Variants in CCDC187 observed in about 807,000 individuals in gnomAD.
CCDC187 encodes the protein coiled-coil domain-containing protein 187.
CCDC187 carries 32 observed loss-of-function variants against 38.0 expected under a neutral mutation model. The observed-to-expected ratio is 0.84, with a 90% CI of 0.64 to 1.13. The LOEUF (loss-of-function observed/expected upper bound fraction) is 1.13. Ranked by LOEUF, CCDC187 falls within the 50% of genes most tolerant of loss-of-function variation. The pLI, the probability that CCDC187 is intolerant of heterozygous loss-of-function variation, is 0.00. For missense variants in CCDC187, 707 were observed against 786.8 expected (o/e 0.90, Z 1.21); for synonymous variants, 333 against 347.9 (o/e 0.96, Z 0.48).
intron 14 of CCDC187, among the ~76,000 whole-genome samples, chr9:136,274,331 A>G (rs1830890844): frequency 6.6e-6 from 1 of 152,192 alleles, no homozygotes; most frequent in Non-Finnish European, 1.5e-5. Context: ...CTGGTCCCCC[A>G]GCTCTAGGGA....
rs1273882649 is a variant in CCDC187 at position 136,250,778 on chromosome 9, A to G, written c.*2816T>C. On this transcript the variant is annotated 3_prime_UTR_variant, in exon 26 of 26. Coordinates refer to ENST00000638797, the MANE Select transcript of CCDC187 (RefSeq NM_001378188.1). ...GCACATGGTGAATGGGGACCCTGACACAGGCCGGCCATTGTTAACGGCACC... is the reference window on the plus strand; with the variant it reads ...GCACATGGTGAATGGGGACCCTGACGCAGGCCGGCCATTGTTAACGGCACC... 10 of 456,164 alleles carry G rather than the reference A, an allele frequency of 2.2e-5. No individual in the cohort carries two copies. The highest frequency in any genetic ancestry group is 1.6e-4 in the Admixed American group (7 of 42,562). 28.3% of individuals were successfully genotyped at this position (456,164 alleles called of 1,614,324 possible).
rs1458258475 is a variant in CCDC187, at chr9:136,297,739, C to A, written c.807G>T (p.Ala269=). The change falls in exon 4 of 26, where the codon GCG becomes GCT. Residue 269 remains alanine (A), a synonymous_variant. Transcript: ENST00000638797. ...CTTCGTCTTTGTGTTTGTCTTTGGC[C>A]GCTCTTCTAGGGGAGGGCAACTTGG... ...KTPKLPSPRR[A]AKDKHKDEDS... 1 of 398,578 alleles carries A rather than the reference C, an allele frequency of 2.5e-6. No individual in the cohort carries two copies. Among genetic ancestry groups the A allele is most frequent in the African/African-American group, 2.1e-5 (1 of 48,620 alleles). The allele number at this position is 398,578 out of a possible 1,614,324, so 24.7% of individuals were successfully genotyped here. A position where few individuals can be genotyped will look rare whatever the true frequency, so the allele number is the denominator to read the frequency against.
chr9:136,259,942 G>T (rs1364263534), intron 20 of CCDC187, among the ~76,000 whole-genome samples, 177 bp downstream of exon 20: 1 of 152,190 alleles, frequency 6.6e-6, no homozygotes, highest in Non-Finnish European at 1.5e-5. Context: ...CCCACTGTGT[G>T]CTCTGCTGTG....
In CCDC187 at chr9:136,290,750, C is replaced by T. The variant is rs957495785; in HGVS notation, c.1863G>A (p.Arg621=). The change falls in exon 6 of 26, where the codon CGG becomes CGA. Residue 621 remains arginine, a synonymous_variant. Transcript: ENST00000638797. ...NPLGKEKDTL[R]PCPRSRGLLG... ...GGAGCCCCCGGGACCTGGGGCAGGGCCGCAGCGTGTCCTTCTCCTTCCCAA... is the reference window on the plus strand; with the variant it reads ...GGAGCCCCCGGGACCTGGGGCAGGGTCGCAGCGTGTCCTTCTCCTTCCCAA... The T allele has an allele frequency of 9.1e-3, 3,629 of 398,524 alleles. 32 individuals carry two copies. The highest frequency in any genetic ancestry group is 0.013 in the Middle Eastern group (20 of 1,588). 24.7% of individuals were successfully genotyped at this position (398,524 alleles called of 1,614,324 possible).
Position 136,254,463 on chromosome 9 carries a change from C to T in CCDC187, c.5365G>A (p.Gly1789Ser), listed in dbSNP as rs1170359462. 1 of 985,460 alleles carries T rather than the reference C, an allele frequency of 1.0e-6. No individual in the cohort carries two copies. The highest frequency in any genetic ancestry group is 1.2e-6 in the Non-Finnish European group (1 of 829,964). 61.0% of individuals were successfully genotyped at this position (985,460 alleles called of 1,614,324 possible). The change falls in exon 26 of 26, where the codon GGC (glycine) becomes AGC (serine). Residue 1789 changes from glycine to serine, a missense_variant. Coordinates refer to ENST00000638797, the MANE Select transcript of CCDC187 (RefSeq NM_001378188.1). ...ACGCCGCTTCCAAGGCCCAGTGAGC[C>T]ACCTGCAGGCAGGGAGCTCCCCGAG... ...PASGSSLPAG[G>S]SLGLGSGVEP...
At position 136,258,811 on chromosome 9, in the gene CCDC187, C is replaced by A; in HGVS notation, c.4366+121G>T. On this transcript the variant is annotated intron_variant, in intron 22 of 25. Coordinates refer to ENST00000638797, the MANE Select transcript of CCDC187 (RefSeq NM_001378188.1). This position sits in a 1 kb window ranked among gnomAD's most constrained non-coding sequence, Gnocchi z 4.3. ...GGCCAGGGTGGGGGGCCACCAGGGCCCATCTTCTTTGCTTTCCGTCCTTGT... is the reference window on the plus strand; with the variant it reads ...GGCCAGGGTGGGGGGCCACCAGGGCACATCTTCTTTGCTTTCCGTCCTTGT... The A allele has an allele frequency of 2.0e-6, 2 of 985,484 alleles. No homozygotes were observed. The highest frequency in any genetic ancestry group is 2.4e-6 in the Non-Finnish European group (2 of 829,974). 61.0% of individuals were successfully genotyped at this position (985,484 alleles called of 1,614,324 possible). A position where few individuals can be genotyped will look rare whatever the true frequency, so the allele number is the denominator to read the frequency against.
rs141855878 is a variant in CCDC187 at position 136,272,618 on chromosome 9, G to A, written c.3442+2040C>T. Among the ~76,000 whole-genome samples the A allele has an allele frequency of 3.0e-3, 456 of 151,872 alleles. 6 individuals are homozygous for A. Among genetic ancestry groups the A allele is most frequent in the Admixed American group, 0.02 (307 of 15,262 alleles). ...CTCAGGAGGCTGAGGCAGGAGAATC[G>A]CTTGAACCTGCAAGGTGGAGGTTGC... On this transcript the variant is annotated intron_variant, in intron 14 of 25. Coordinates refer to ENST00000638797, the MANE Select transcript of CCDC187 (RefSeq NM_001378188.1).
Position 136,291,590 on chromosome 9 carries a change from G to A in CCDC187, c.1023C>T (p.Pro341=), listed in dbSNP as rs964536183. ...GGTCACTGTAGGCGGAGGTGGCATC[G>A]GGCAACTGGGCACAAACCGGTGAGC... ...AKCSPVCAQL[P]DATSAYSDQQ... Residue 341 remains proline, a synonymous_variant, in exon 6 of 26, where the codon CCC becomes CCT. Coordinates refer to ENST00000638797, the MANE Select transcript of CCDC187 (RefSeq NM_001378188.1). 30 of 398,788 alleles carry A rather than the reference G, an allele frequency of 7.5e-5. No homozygotes were observed. Among genetic ancestry groups the A allele is most frequent in the Non-Finnish European group, 1.1e-4 (24 of 226,148 alleles). 24.7% of individuals were successfully genotyped at this position (398,788 alleles called of 1,614,324 possible). A position where few individuals can be genotyped will look rare whatever the true frequency, so the allele number is the denominator to read the frequency against.
At chr9:136,301,715 T>G (rs1831689415) in intron 2 of CCDC187, among the ~76,000 whole-genome samples, 1 of 151,248 alleles carries the variant, frequency 6.6e-6, no homozygotes, top group Admixed American at 6.6e-5. Flanking sequence ...GCCTCCTGAG[T>G]AGCTGGGACT....
intron 14 of CCDC187, among the ~76,000 whole-genome samples, chr9:136,269,203 G>A (rs551161552): frequency 1.3e-5 from 2 of 152,344 alleles, no homozygotes; most frequent in African/African-American, 4.8e-5. Context: ...AGGTCACTGG[G>A]CAGGCAGTGT....
At chr9:136,262,126 G>C (rs527639503) in intron 19 of CCDC187, among the ~76,000 whole-genome samples, 185 bp downstream of exon 19, 63 of 152,386 alleles carry the variant, frequency 4.1e-4, no homozygotes, top group African/African-American at 1.4e-3. Flanking sequence ...CTCAGAGAAG[G>C]TTGAGCTGCC....
intron 2 of CCDC187, among the ~76,000 whole-genome samples, chr9:136,301,810 G>A (rs982170527): frequency 1.1e-4 from 16 of 151,888 alleles, no homozygotes; most frequent in Non-Finnish European, 1.8e-4. Context: ...GGATAGTCTC[G>A]ATCTCCAGAC....
chr9:136,289,966 G>A lies in CCDC187; in HGVS notation c.2215C>T (p.Pro739Ser). The part of the protein sequence containing the change: ...SGMVLGGQEA[P>S]GSFCLCLNRA... ...CCACACTTTCACACCCACCTGCCTGGGGCTTCCTGGCCCCCCAGCACCATG... is the reference window on the plus strand; with the variant it reads ...CCACACTTTCACACCCACCTGCCTGAGGCTTCCTGGCCCCCCAGCACCATG... The change falls in exon 7 of 26, where the codon CCA becomes TCA. Residue 739 changes from proline (P) to serine (S), a missense_variant. Coordinates refer to ENST00000638797, the MANE Select transcript of CCDC187 (RefSeq NM_001378188.1). The A allele has an allele frequency of 5.0e-6, 2 of 398,522 alleles. No individual in the cohort carries two copies. The highest frequency in any genetic ancestry group is 4.4e-5 in the Admixed American group (1 of 22,716). 24.7% of individuals were successfully genotyped at this position (398,522 alleles called of 1,614,324 possible).
At chr9:136,261,678 C>T (rs1830680084) in intron 19 of CCDC187, among the ~76,000 whole-genome samples, 2 of 152,230 alleles carry the variant, frequency 1.3e-5, no homozygotes, top group Admixed American at 1.3e-4. Flanking sequence ...AGCAACTCCC[C>T]TCACTGCAGA....
Position 136,276,719 on chromosome 9 carries a change from C to T in CCDC187, c.3049G>A (p.Glu1017Lys), listed in dbSNP as rs1229886631. Reference sequence around the variant, plus strand: ...GGAAGGCATCTCACACATGGGTCCTCCTGCTGACCTGTGGAACCATGGAGG... The same window carrying T: ...GGAAGGCATCTCACACATGGGTCCTTCTGCTGACCTGTGGAACCATGGAGG... ...PCTPRSCGQQ[E>K]DPCVRCLPNT... Residue 1017 changes from glutamate (E) to lysine (K), a missense_variant, in exon 11 of 26, where the codon GAG (glutamate) becomes AAG (lysine). Transcript: ENST00000638797. 6.6e-6 allele frequency: 1 copy of T among 152,236 alleles called. No individual in the cohort carries two copies. Among genetic ancestry groups the T allele is most frequent in the Admixed American group, 6.5e-5 (1 of 15,276 alleles). The allele number at this position is 152,236 out of a possible 1,614,324, so 9.4% of individuals were successfully genotyped here.
chr9:136,292,384 C>A (rs1831355561), intron 4 of CCDC187, 89 bp from the exon 5 acceptor site: 1 of 398,002 alleles, frequency 2.5e-6, no homozygotes, highest in African/African-American at 2.1e-5. Flanking sequence ...TCTGCAAGCG[C>A]CAGGAGGCCA....
chr9:136,298,785 G>A (rs1391912700), intron 3 of CCDC187, among the ~76,000 whole-genome samples: 2 of 152,244 alleles, frequency 1.3e-5, no homozygotes, highest in African/African-American at 4.8e-5. Context: ...TAGGTGCCAG[G>A]GGCTGGGGGA....
chr9:136,261,796 G>T (rs912107783), intron 19 of CCDC187, among the ~76,000 whole-genome samples: 1 of 152,230 alleles, frequency 6.6e-6, no homozygotes, highest in South Asian at 2.1e-4. Flanking sequence ...TGCTTCGAGG[G>T]GTTCTGTGAT....
intron 14 of CCDC187, among the ~76,000 whole-genome samples, chr9:136,272,718 AC>A (rs759104750): frequency 2.2e-4 from 33 of 151,408 alleles, no homozygotes; most frequent in Admixed American, 5.9e-4. Flanking sequence ...AAAAAAAAAA[AC>A]AAAAACTAGC....
Sources: gnomAD v4.1 joint callset for allele counts (sites outside exome capture counted in the v4.1 genomes callset) on GRCh38, gnomAD v4.1.1 for gene constraint, Gnocchi (gnomAD v3.1) non-coding constraint, MANE v1.5 for transcripts, NCBI Gene and HGNC (gene_info 2026-07-23, HGNC 2026-07-21) for gene names.